The following PRICKLE4 variants were observed in gnomAD, a reference collection of about 807,000 sequenced individuals.
PRICKLE4 encodes the protein prickle-like protein 4.
A neutral mutation model predicts 43.5 loss-of-function variants in PRICKLE4; 40 were observed. The observed-to-expected ratio is 0.92, with a 90% CI of 0.71 to 1.20. The LOEUF (loss-of-function observed/expected upper bound fraction) is 1.20. PRICKLE4 is among the 50% of genes most tolerant of loss of function. PRICKLE4 has a pLI of 0.00. For missense variants in PRICKLE4, 527 were observed against 491.2 expected (o/e 1.07, Z -0.69); for synonymous variants, 208 against 197.4 (o/e 1.05, Z -0.45).
chr6:41,783,768 G>A (rs776481816), intron 3 of PRICKLE4, 163 bp downstream of exon 3: 18 of 1,022,264 alleles, frequency 1.8e-5, no homozygotes, highest in Non-Finnish European at 2.7e-5. Context: ...AGAACATGGG[G>A]TTTTGACTTT....
chr6:41,787,054 C>T lies in PRICKLE4; in HGVS notation c.1080C>T (p.Pro360=), dbSNP rs1389367791. 6.2e-7 allele frequency: 1 copy of T among 1,613,808 alleles called. No individual in the cohort carries two copies. The highest frequency in any genetic ancestry group is 1.3e-5 in the African/African-American group (1 of 75,036). Residue 360 remains proline (P), a synonymous_variant, in exon 8 of 8, where the codon CCC becomes CCT. Coordinates refer to ENST00000458694, the MANE Select transcript of PRICKLE4 (RefSeq NM_013397.6). ...PEGFFLGERL[P]QSWKTPGSLQ... is the part of the protein sequence containing the mutation. ...GATTTTTCTTAGGCGAGCGCCTTCCCCAGTCCTGGAAGACCCCCGGAAGCC... is the reference window on the plus strand; with the variant it reads ...GATTTTTCTTAGGCGAGCGCCTTCCTCAGTCCTGGAAGACCCCCGGAAGCC...
chr6:41,784,714 G>A, intron 4 of PRICKLE4: 1 of 594,786 alleles, frequency 1.7e-6, no homozygotes, highest in South Asian at 2.1e-5. Context: ...GGGCCTGTCA[G>A]GACCTGATTG....
At chr6:41,785,887 A>G (rs1772635382) in intron 6 of PRICKLE4, among the ~76,000 whole-genome samples, 1 of 152,172 alleles carries the variant, frequency 6.6e-6, no homozygotes, top group East Asian at 1.9e-4. Flanking sequence ...GCATAAAAGG[A>G]AGCCTGGAGC....
chr6:41,783,903 T>C, intron 3 of PRICKLE4: 1 of 716,618 alleles, frequency 1.4e-6, no homozygotes, highest in Non-Finnish European at 2.5e-6. Context: ...AGGGAAGCTG[T>C]TTTGGGGTGT....
At position 41,784,187 on chromosome 6, in the gene PRICKLE4, C is replaced by A; in HGVS notation, c.189C>A (p.Asn63Lys). 9 of 1,614,136 alleles carry A rather than the reference C, an allele frequency of 5.6e-6. No individual in the cohort carries two copies. Among genetic ancestry groups the A allele is most frequent in the Non-Finnish European group, 7.6e-6 (9 of 1,179,980 alleles). ...GCCTGGACACCAACCAAGCCCCCAA[C>A]TGGACTGGACTTCAGACCCTCCTGC... ...SLCLDTNQAPNWTGLQTLLQQ... is the reference protein window; with the variant it reads ...SLCLDTNQAPKWTGLQTLLQQ... Residue 63 changes from asparagine to lysine, a missense_variant, in exon 4 of 8, where the codon AAC becomes AAA. Asn to Lys is a moderately conservative substitution (Grantham distance 94). Coordinates refer to ENST00000458694, the MANE Select transcript of PRICKLE4 (RefSeq NM_013397.6).
At chr6:41,785,692 A>G in intron 6 of PRICKLE4, 152 bp downstream of exon 6, 1 of 832,178 alleles carries the variant, frequency 1.2e-6, no homozygotes, top group Non-Finnish European at 1.8e-6. Context: ...CTGTGTTCTG[A>G]CTTGAGCTCT....
intron 2 of PRICKLE4, among the ~76,000 whole-genome samples, chr6:41,782,864 G>A (rs1426164643): frequency 6.6e-6 from 1 of 152,216 alleles, no homozygotes; most frequent in Non-Finnish European, 1.5e-5. Flanking sequence ...GAGAGATGCA[G>A]GGAGCAAAGA....
chr6:41,783,536 T>C lies in PRICKLE4; in HGVS notation c.63T>C (p.Gly21=), dbSNP rs1772585910. The C allele has an allele frequency of 6.2e-7, 1 of 1,607,540 alleles. No individual in the cohort carries two copies. The highest frequency in any genetic ancestry group is 1.3e-5 in the African/African-American group (1 of 74,214). Residue 21 remains glycine (G), a synonymous_variant, in exon 3 of 8, where the codon GGT becomes GGC. Coordinates refer to ENST00000458694, the MANE Select transcript of PRICKLE4 (RefSeq NM_013397.6). ...ACAGCCCCAAGCCCCAGGATCCAGG[T>C]CCACCAGCCAACTCAGACAGTGACT... ...QEDSPKPQDP[G]PPANSDSDSG...
intron 3 of PRICKLE4, 77 bp downstream of exon 3, chr6:41,783,682 G>C: frequency 1.2e-6 from 2 of 1,606,222 alleles, no homozygotes; most frequent in Non-Finnish European, 8.5e-7. Flanking sequence ...CCACCAACCC[G>C]GAGGTAGTTT....
rs771887907 is a variant in PRICKLE4 at position 41,787,163 on chromosome 6, G to A, written c.*34G>A. The stretch of plus-strand genomic sequence containing the variant: ...CTCAGAGAGGGGATGTGAGTGGGAG[G>A]AAAGGGGTCTGTAAAGCGGGAGAAC... On this transcript the variant is annotated 3_prime_UTR_variant, in exon 8 of 8. Transcript: ENST00000458694. The A allele has an allele frequency of 6.4e-7, 1 of 1,559,546 alleles. No homozygotes were observed. Among genetic ancestry groups the A allele is most frequent in the East Asian group, 2.2e-5 (1 of 44,488 alleles).
intron 2 of PRICKLE4, among the ~76,000 whole-genome samples, chr6:41,781,935 A>AT (rs1276624393): frequency 4.6e-5 from 7 of 151,836 alleles, no homozygotes; most frequent in South Asian, 2.1e-4. Context: ...TGCTCTGGTT[A>AT]TTTTTTTCTC....
At chr6:41,785,723 C>T (rs1243654957) in intron 6 of PRICKLE4, among the ~76,000 whole-genome samples, 183 bp downstream of exon 6, 2 of 152,190 alleles carry the variant, frequency 1.3e-5, no homozygotes, top group Admixed American at 6.5e-5. Flanking sequence ...GACCCAGTGC[C>T]CTTCTCTCTG....
chr6:41,783,871 G>C, intron 3 of PRICKLE4: 1 of 738,078 alleles, frequency 1.4e-6, no homozygotes. Context: ...CGTGAAGGGG[G>C]TTAAGAAGGG....
intron 7 of PRICKLE4, 180 bp from the exon 8 acceptor site, chr6:41,786,582 C>T (rs1170807372): frequency 2.6e-6 from 3 of 1,157,310 alleles, no homozygotes; most frequent in Admixed American, 2.3e-5. Context: ...CTCCCAGGCG[C>T]GGGAGGCGGA....
Position 41,787,138 on chromosome 6 carries a change from C to T in PRICKLE4, c.*9C>T, listed in dbSNP as rs1033954946. 4 of 1,591,608 alleles carry T rather than the reference C, an allele frequency of 2.5e-6. No homozygotes were observed. Among genetic ancestry groups the T allele is most frequent in the Non-Finnish European group, 2.6e-6 (3 of 1,172,860 alleles). Reference sequence around the variant, plus strand: ...ACTGCACCATGTGCTAGTGGCGCAGCTCAGAGAGGGGATGTGAGTGGGAGG... The same window carrying T: ...ACTGCACCATGTGCTAGTGGCGCAGTTCAGAGAGGGGATGTGAGTGGGAGG... On this transcript the variant is annotated 3_prime_UTR_variant, in exon 8 of 8. Coordinates refer to ENST00000458694, the MANE Select transcript of PRICKLE4 (RefSeq NM_013397.6).
chr6:41,785,050 T>C lies in PRICKLE4; in HGVS notation c.356T>C (p.Leu119Pro). ...GTAGCCCGCCTGGTACTTCCCAAGCTTGAAGGACACACCTGTGAGAAGGTA... is the reference window on the plus strand; with the variant it reads ...GTAGCCCGCCTGGTACTTCCCAAGCCTGAAGGACACACCTGTGAGAAGGTA... ...QGVARLVLPK[L>P]EGHTCEKCRE... Residue 119 changes from leucine to proline, a missense_variant, in exon 5 of 8, where the codon CTT becomes CCT. Physicochemically the swap from Leu to Pro is moderately conservative, Grantham distance 98. Coordinates refer to ENST00000458694, the MANE Select transcript of PRICKLE4 (RefSeq NM_013397.6). 2 of 1,613,606 alleles carry C rather than the reference T, an allele frequency of 1.2e-6. No homozygotes were observed. Among genetic ancestry groups the C allele is most frequent in the Non-Finnish European group, 1.7e-6 (2 of 1,179,784 alleles).
chr6:41,785,182 C>G (rs1772620270), intron 5 of PRICKLE4, 110 bp downstream of exon 5: 20 of 1,563,180 alleles, frequency 1.3e-5, no homozygotes, highest in Non-Finnish European at 1.7e-5. Context: ...ACAGGAAAAA[C>G]AGAAACCAAG....
chr6:41,786,456 C>T (rs1772651050), intron 7 of PRICKLE4, 124 bp downstream of exon 7: 4 of 1,161,596 alleles, frequency 3.4e-6, no homozygotes, highest in Middle Eastern at 2.4e-4. Flanking sequence ...CCCCACCGCA[C>T]CCCCCAGACC....
intron 3 of PRICKLE4, 64 bp downstream of exon 3, chr6:41,783,669 T>A: frequency 6.2e-7 from 1 of 1,612,300 alleles, no homozygotes; most frequent in Non-Finnish European, 8.5e-7. Context: ...TGGCCACCCT[T>A]TTCCACCAAC....
Sources: allele counts gnomAD v4.1 joint callset (sites outside exome capture counted in the v4.1 genomes callset), GRCh38; gene constraint gnomAD v4.1.1; transcripts MANE v1.5; gene names NCBI Gene and HGNC (gene_info 2026-07-23, HGNC 2026-07-21).